The following RIT2 variants were observed in gnomAD, a reference collection of about 807,000 sequenced individuals.
The protein encoded by RIT2 is Ras like without CAAX 2.
Under a neutral mutation model 23.7 loss-of-function variants are expected in RIT2, and 24 were observed. That is an observed-to-expected ratio of 1.01 (90% CI 0.73 to 1.43). The LOEUF (loss-of-function observed/expected upper bound fraction) is 1.43. Among genes scored for constraint, RIT2 ranks in the 40% most tolerant of loss-of-function variants. The pLI, the probability that RIT2 is intolerant of heterozygous loss-of-function variation, is 0.00. For missense variants in RIT2, 236 were observed against 266.9 expected, an observed-to-expected ratio of 0.88 and a Z score of 0.81; for synonymous variants, 107 against 91.1, an observed-to-expected ratio of 1.17 and a Z score of -0.99.
chr18:42,956,792 A>T (rs969560432), intron 3 of RIT2, among the ~76,000 whole-genome samples: 1 of 152,174 alleles, frequency 6.6e-6, no homozygotes, highest in African/African-American at 2.4e-5. Flanking sequence ...TGCAATAGGC[A>T]GTGTGAGGCA....
chr18:42,867,091 A>G lies in RIT2; in HGVS notation c.426+56481T>C, dbSNP rs545240984. ...TCCTCATAAGACTGCTCTTTACCTT[A>G]ATTGGGAGGGAGGCTTCTTTATAAT... On this transcript the variant is annotated intron_variant, in intron 4 of 4. Coordinates refer to ENST00000326695, the MANE Select transcript of RIT2 (RefSeq NM_002930.4). Among the ~76,000 whole-genome samples the G allele has an allele frequency of 3.9e-5, 6 of 152,198 alleles. No homozygotes were observed. In the East Asian group the frequency reaches 5.8e-4, roughly 15 times the overall value.
chr18:42,760,785 G>A (rs2143899232), intron 4 of RIT2, among the ~76,000 whole-genome samples: 1 of 152,186 alleles, frequency 6.6e-6, no homozygotes, highest in East Asian at 1.9e-4. Context: ...AGTGATATAG[G>A]GACCTTTTGC....
intron 4 of RIT2, among the ~76,000 whole-genome samples, chr18:42,754,460 C>G (rs956727183): frequency 6.6e-6 from 1 of 152,086 alleles, no homozygotes; most frequent in African/African-American, 2.4e-5. Context: ...TATTTTTATG[C>G]CTTTGCGTAT....
rs1276982000 is a variant in RIT2, at chr18:42,913,145, A to G, written c.426+10427T>C. Among the ~76,000 whole-genome samples the G allele has an allele frequency of 2.6e-5, 4 of 151,194 alleles. No homozygotes were observed. The East Asian group carries it at 7.7e-4, about 29-fold the overall frequency. On this transcript the variant is annotated intron_variant, in intron 4 of 4. Transcript: ENST00000326695. ...AACTTGTAAAAGCATTTCAATAAAA[A>G]GGGAAAAGACTCTTCAATAAATGAT...
intron 1 of RIT2, among the ~76,000 whole-genome samples, chr18:43,074,334 T>C (rs1912963978): frequency 6.6e-6 from 1 of 152,252 alleles, no homozygotes. Flanking sequence ...TGTGTGTTTA[T>C]ACATACGTGT....
chr18:42,880,772 T>A (rs1291066606), intron 4 of RIT2, among the ~76,000 whole-genome samples: 1 of 150,494 alleles, frequency 6.6e-6, no homozygotes, highest in East Asian at 2.0e-4. Context: ...CAAGGGCCTG[T>A]GTCCAAAACA....
chr18:43,056,278 G>T (rs578185443), intron 1 of RIT2, among the ~76,000 whole-genome samples: 4 of 151,926 alleles, frequency 2.6e-5, no homozygotes, highest in Non-Finnish European at 5.9e-5. Flanking sequence ...AAAGTCCAGG[G>T]TATTAAAGAA....
At chr18:43,087,798 G>A (rs898107976) in intron 1 of RIT2, among the ~76,000 whole-genome samples, 3 of 152,106 alleles carry the variant, frequency 2.0e-5, no homozygotes, top group Non-Finnish European at 2.9e-5. Context: ...GAAGTTGCTC[G>A]GTGGTCCTTG....
chr18:43,090,177 C>T (rs543373080), intron 1 of RIT2, among the ~76,000 whole-genome samples: 13 of 151,888 alleles, frequency 8.6e-5, no homozygotes, highest in Middle Eastern at 3.4e-3. Flanking sequence ...AACAAATTTA[C>T]AAGAAACAAA....
chr18:42,812,571 C>T (rs975448546), intron 4 of RIT2, among the ~76,000 whole-genome samples: 29 of 152,148 alleles, frequency 1.9e-4, no homozygotes, highest in African/African-American at 6.8e-4. Flanking sequence ...AAGTGTTCTA[C>T]TCCTAGGAAC....
chr18:42,892,932 T>C (rs1404765691), intron 4 of RIT2, among the ~76,000 whole-genome samples: 1 of 152,192 alleles, frequency 6.6e-6, no homozygotes, highest in Non-Finnish European at 1.5e-5. Context: ...TGTTATTACC[T>C]CAACCTCTAT....
At chr18:42,870,446 G>A (rs1342110103) in intron 4 of RIT2, among the ~76,000 whole-genome samples, 1 of 151,946 alleles carries the variant, frequency 6.6e-6, no homozygotes, top group Non-Finnish European at 1.5e-5. Flanking sequence ...TCACTATGTT[G>A]GCTAGAATCT....
intron 1 of RIT2, among the ~76,000 whole-genome samples, chr18:43,051,414 T>C (rs1912380622): frequency 6.6e-6 from 1 of 152,040 alleles, no homozygotes. Flanking sequence ...TAGTTATTTT[T>C]TTCTGGGTGG....
chr18:42,759,784 T>A (rs1288201511), intron 4 of RIT2, among the ~76,000 whole-genome samples: 2 of 146,436 alleles, frequency 1.4e-5, no homozygotes, highest in African/African-American at 2.5e-5. Context: ...TATATATAAA[T>A]TTTTTTTTCA....
At chr18:42,901,865 C>A (rs1245629031) in intron 4 of RIT2, among the ~76,000 whole-genome samples, 1 of 151,856 alleles carries the variant, frequency 6.6e-6, no homozygotes, top group African/African-American at 2.4e-5. Context: ...CTATCCAAAG[C>A]TCTCTGGAAA....
intron 1 of RIT2, among the ~76,000 whole-genome samples, chr18:43,110,519 T>C (rs1211765214): frequency 6.6e-6 from 1 of 152,150 alleles, no homozygotes; most frequent in Non-Finnish European, 1.5e-5. Context: ...GAAACTGTTA[T>C]AAGGATTGTT....
At chr18:42,869,019 G>A (rs975466193) in intron 4 of RIT2, among the ~76,000 whole-genome samples, 1 of 152,080 alleles carries the variant, frequency 6.6e-6, no homozygotes, top group Non-Finnish European at 1.5e-5. Context: ...TGCCCCAGAT[G>A]GAATCCCAAA....
intron 3 of RIT2, among the ~76,000 whole-genome samples, chr18:42,932,244 G>T (rs976415232): frequency 2.6e-5 from 4 of 152,086 alleles, no homozygotes; most frequent in Admixed American, 2.6e-4. Flanking sequence ...TTAAGTGCTG[G>T]ATATACTTCA....
At chr18:42,803,195 T>C (rs1905590236) in intron 4 of RIT2, among the ~76,000 whole-genome samples, 1 of 152,210 alleles carries the variant, frequency 6.6e-6, no homozygotes, top group African/African-American at 2.4e-5. Context: ...GACTTCATCA[T>C]TCCAACCTAT....
Sources: gnomAD v4.1 joint callset for allele counts (sites outside exome capture counted in the v4.1 genomes callset) on GRCh38, gnomAD v4.1.1 for gene constraint, MANE v1.5 for transcripts, NCBI Gene and HGNC (gene_info 2026-07-23, HGNC 2026-07-21) for gene names.